SUGCT: variants seen among roughly 807,000 people sequenced by gnomAD.
The protein encoded by SUGCT is succinyl-CoA:glutarate CoA-transferase.
In SUGCT, 41 loss-of-function variants were observed where a neutral mutation model predicts 55.0. The ratio of observed to expected loss-of-function variants is 0.74; its 90% confidence interval spans 0.58 to 0.97. The LOEUF (loss-of-function observed/expected upper bound fraction) is 0.97, where lower values mean the gene tolerates loss of function less well. SUGCT is among the 50% of genes least tolerant of loss of function. SUGCT has a pLI of 0.00. For synonymous variants in SUGCT, 187 were observed against 200.4 expected (o/e 0.93, Z 0.56); for missense variants, 568 against 547.8 (o/e 1.04, Z -0.37).
chr7:40,578,612 A>C (rs1041128047), intron 12 of SUGCT, among the ~76,000 whole-genome samples: 2 of 152,012 alleles, frequency 1.3e-5, no homozygotes, highest in South Asian at 4.2e-4. Flanking sequence ...ACATTTAGAA[A>C]ATACCAATGC....
chr7:40,613,798 C>T (rs190583443), intron 12 of SUGCT, among the ~76,000 whole-genome samples: 45 of 152,120 alleles, frequency 3.0e-4, no homozygotes, highest in Admixed American at 2.0e-3. Flanking sequence ...TTAGTAGAAA[C>T]GGGGTTTCTC....
chr7:40,144,039 G>A (rs1788120526), intron 1 of SUGCT, among the ~76,000 whole-genome samples: 2 of 152,180 alleles, frequency 1.3e-5, no homozygotes, highest in Non-Finnish European at 2.9e-5. Flanking sequence ...GCTCTTTAGT[G>A]GTCCACAGAA....
At chr7:40,725,635 C>A (rs1175751600) in intron 12 of SUGCT, among the ~76,000 whole-genome samples, 6 of 151,346 alleles carry the variant, frequency 4.0e-5, no homozygotes, top group African/African-American at 1.5e-4. Flanking sequence ...TACATTTGTC[C>A]CCTATGAGGA....
At chr7:40,908,296 T>C in the SUGCT span, among the ~76,000 whole-genome samples, 2 of 147,572 alleles carry the variant, frequency 1.4e-5, no homozygotes, top group Non-Finnish European at 3.0e-5. Flanking sequence ...GGCAGGAGAA[T>C]GGTGTGAACC....
chr7:40,259,775 TC>T (rs1791098169), intron 7 of SUGCT, among the ~76,000 whole-genome samples: 1 of 152,250 alleles, frequency 6.6e-6, no homozygotes, highest in African/African-American at 2.4e-5. Context: ...TTGGTTTTAT[TC>T]TCTAATTGCA....
chr7:40,698,884 A>G (rs2128659568), intron 12 of SUGCT, among the ~76,000 whole-genome samples: 1 of 152,338 alleles, frequency 6.6e-6, no homozygotes, highest in Non-Finnish European at 1.5e-5. Context: ...AGGCCCTGAC[A>G]TTCCCAGATC....
At chr7:40,625,967 C>T (rs540282522) in intron 12 of SUGCT, among the ~76,000 whole-genome samples, 1 of 152,286 alleles carries the variant, frequency 6.6e-6, no homozygotes, top group African/African-American at 2.4e-5. Flanking sequence ...GAAATTCACA[C>T]CCTGTGAAGT....
chr7:40,986,150 T>G, the SUGCT span, among the ~76,000 whole-genome samples: 10 of 152,242 alleles, frequency 6.6e-5, no homozygotes, highest in Non-Finnish European at 2.9e-5. Flanking sequence ...TAATAAGTTA[T>G]TAAGAATACT....
intron 12 of SUGCT, among the ~76,000 whole-genome samples, chr7:40,595,905 G>A (rs1797988551): frequency 6.6e-6 from 1 of 152,148 alleles, no homozygotes; most frequent in Non-Finnish European, 1.5e-5. Context: ...AAAGTTACTG[G>A]TACCTTTTCC....
At chr7:40,918,789 G>T in the SUGCT span, among the ~76,000 whole-genome samples, 1 of 152,164 alleles carries the variant, frequency 6.6e-6, no homozygotes, top group Non-Finnish European at 1.5e-5. Context: ...CATTTCTTTG[G>T]TATTCAAATA....
intron 7 of SUGCT, among the ~76,000 whole-genome samples, chr7:40,254,492 G>T (rs972760691): frequency 6.6e-6 from 1 of 151,886 alleles, no homozygotes; most frequent in South Asian, 2.1e-4. Context: ...CTGCCGCCTG[G>T]ATTCAAGCAA....
the SUGCT span, among the ~76,000 whole-genome samples, chr7:40,908,382 CAAAA>C: frequency 1.2e-5 from 1 of 82,626 alleles, no homozygotes. Flanking sequence ...GACTCTGTCT[CAAAA>C]AAAAAAAAAA....
chr7:40,156,950 G>A (rs984090087), intron 1 of SUGCT, among the ~76,000 whole-genome samples: 5 of 148,538 alleles, frequency 3.4e-5, no homozygotes, highest in Non-Finnish European at 7.4e-5. Context: ...GGGAGGCAGA[G>A]CTTGCAGTGA....
At chr7:40,928,954 T>G in the SUGCT span, among the ~76,000 whole-genome samples, 2 of 152,162 alleles carry the variant, frequency 1.3e-5, no homozygotes, top group Non-Finnish European at 1.5e-5. Flanking sequence ...AAAATTGTAC[T>G]TTAAGTTCTA....
intron 11 of SUGCT, among the ~76,000 whole-genome samples, chr7:40,464,880 T>C (rs1216951997): frequency 1.3e-5 from 2 of 152,324 alleles, no homozygotes; most frequent in East Asian, 3.9e-4. Context: ...TGTTGACTTA[T>C]GATGTTTACA....
In SUGCT at chr7:40,860,696, A is replaced by T. The variant is rs1794462571; in HGVS notation, c.*217A>T. The T allele has an allele frequency of 7.4e-6, 3 of 405,028 alleles. No homozygotes were observed. Among genetic ancestry groups the T allele is most frequent in the Non-Finnish European group, 8.6e-6 (2 of 233,846 alleles). The allele number at this position is 405,028 out of a possible 1,614,324, so 25.1% of individuals were successfully genotyped here. On this transcript the variant is annotated 3_prime_UTR_variant, in exon 14 of 14. Coordinates refer to ENST00000335693, the MANE Select transcript of SUGCT (RefSeq NM_001193313.2). ...TTTGTTCCCTACCATCTTTTTTTTCAGATGATGATTTCATTATGGATTTGT... is the reference window on the plus strand; with the variant it reads ...TTTGTTCCCTACCATCTTTTTTTTCTGATGATGATTTCATTATGGATTTGT...
Position 40,627,180 on chromosome 7 carries a change from A to C in SUGCT, c.1090-122254A>C, listed in dbSNP as rs143897310. ...CAGATTCTTGGTGTTTTGAAGAAAG[A>C]ATTAGACAAAATGCACAAACAAAGC... On this transcript the variant is annotated intron_variant, in intron 12 of 13. Transcript: ENST00000335693. 1.2e-3 allele frequency among the ~76,000 whole-genome samples: 184 copies of C among 152,320 alleles called. 2 individuals carry two copies. Among genetic ancestry groups the C allele is most frequent in the Non-Finnish European group, 2.1e-3 (144 of 68,032 alleles).
At chr7:40,453,427 T>C (rs1330031866) in intron 10 of SUGCT, among the ~76,000 whole-genome samples, 1 of 152,246 alleles carries the variant, frequency 6.6e-6, no homozygotes, top group Non-Finnish European at 1.5e-5. Context: ...ATCCTTGATG[T>C]TGTTTATGAA....
intron 9 of SUGCT, among the ~76,000 whole-genome samples, chr7:40,367,442 A>G (rs1179331347): frequency 1.8e-5 from 2 of 110,976 alleles, no homozygotes; most frequent in South Asian, 3.5e-4. Flanking sequence ...AAATAAATAA[A>G]TTACCCAGAA....
Sources: gnomAD v4.1 joint callset for allele counts (sites outside exome capture counted in the v4.1 genomes callset) on GRCh38, gnomAD v4.1.1 for gene constraint, MANE v1.5 for transcripts, NCBI Gene and HGNC (gene_info 2026-07-23, HGNC 2026-07-21) for gene names.